Variants in VIL1 observed in about 807,000 individuals in gnomAD.
The protein encoded by VIL1 is villin 1.
Under a neutral mutation model 104.0 loss-of-function variants are expected in VIL1, and 86 were observed. The observed-to-expected ratio is 0.83, with a 90% confidence interval of 0.69 to 0.99. The LOEUF (loss-of-function observed/expected upper bound fraction) is 0.99. Among genes scored for constraint, VIL1 ranks in the 50% least tolerant of loss-of-function variants. The pLI, the probability that VIL1 is intolerant of heterozygous loss-of-function variation, is 0.00. For synonymous variants in VIL1, 394 were observed against 412.6 expected (o/e 0.95, Z 0.55); for missense variants, 944 against 1,054.1 (o/e 0.90, Z 1.45).
At position 218,425,835 on chromosome 2, in the gene VIL1, G is replaced by C. The variant is rs765110020; in HGVS notation, c.347+24G>C. On this transcript the variant is annotated intron_variant, in intron 4 of 19. Coordinates refer to ENST00000248444, the MANE Select transcript of VIL1 (RefSeq NM_007127.3). Reference sequence around the variant, plus strand: ...GTGTAGGGAGGGTGGGCTGCAGGCCGGGGGAATGAGGATGAGTGGTAGGGA... The same window carrying C: ...GTGTAGGGAGGGTGGGCTGCAGGCCCGGGGAATGAGGATGAGTGGTAGGGA... The C allele has an allele frequency of 2.5e-6, 4 of 1,583,432 alleles. No homozygotes were observed. In the Admixed American group the frequency reaches 6.9e-5, roughly 27 times the overall value.
chr2:218,421,103 T>G (rs1042875630), intron 1 of VIL1, among the ~76,000 whole-genome samples: 2 of 151,922 alleles, frequency 1.3e-5, no homozygotes, highest in African/African-American at 4.8e-5. Context: ...AGATCTAAAT[T>G]GAGTCTAGAA....
In VIL1 at chr2:218,419,178, C is replaced by G. The variant is rs1465391342; in HGVS notation, c.-12+10C>G. On this transcript the variant is annotated intron_variant, in intron 1 of 19. Transcript: ENST00000248444. ...TGCCTCCCCAAGACAGGTAAGGCAACCTGGTGGGAACACATGGAGACCTTA... is the reference window on the plus strand; with the variant it reads ...TGCCTCCCCAAGACAGGTAAGGCAAGCTGGTGGGAACACATGGAGACCTTA... 6.6e-6 allele frequency: 1 copy of G among 152,248 alleles called. No individual in the cohort carries two copies. The highest frequency in any genetic ancestry group is 1.5e-5 in the Non-Finnish European group (1 of 68,050). 9.4% of individuals were successfully genotyped at this position (152,248 alleles called of 1,614,324 possible).
chr2:218,428,395 C>T (rs1341787992), intron 6 of VIL1, 58 bp downstream of exon 6: 1 of 1,477,852 alleles, frequency 6.8e-7, no homozygotes, highest in Non-Finnish European at 9.5e-7. Context: ...CCCACCTGCT[C>T]CTTTCCCCAG....
At chr2:218,422,853 A>T (rs558667243) in intron 1 of VIL1, among the ~76,000 whole-genome samples, 23 of 152,248 alleles carry the variant, frequency 1.5e-4, no homozygotes, top group East Asian at 9.7e-4. Flanking sequence ...GATGAGGAGG[A>T]ACCTCAAAAC....
intron 19 of VIL1, among the ~76,000 whole-genome samples, chr2:218,442,555 C>T (rs1052792295): frequency 6.6e-6 from 1 of 152,074 alleles, no homozygotes; most frequent in Non-Finnish European, 1.5e-5. Context: ...ACTACAGCCT[C>T]AACTTTCTGG....
chr2:218,432,293 G>C lies in VIL1; in HGVS notation c.1341+110G>C. 4 of 1,477,736 alleles carry C rather than the reference G, an allele frequency of 2.7e-6. No individual in the cohort carries two copies. In the South Asian group the frequency reaches 5.2e-5, roughly 19 times the overall value. 91.5% of individuals were successfully genotyped at this position (1,477,736 alleles called of 1,614,324 possible). On this transcript the variant is annotated intron_variant, in intron 12 of 19. Transcript: ENST00000248444. ...GGTTGAATACCTCTGGGGATGGGGT[G>C]CTCACCCCTTCAAGAAGGACTGCTT...
intron 10 of VIL1, 128 bp downstream of exon 10, chr2:218,431,006 G>T: frequency 7.9e-7 from 1 of 1,265,996 alleles, no homozygotes; most frequent in Non-Finnish European, 1.1e-6. Flanking sequence ...CTGGCTCTGG[G>T]CTTGTCCTAG....
intron 1 of VIL1, among the ~76,000 whole-genome samples, chr2:218,422,483 C>T (rs1355163383): frequency 1.3e-5 from 2 of 152,176 alleles, no homozygotes. Flanking sequence ...GACCCAAGCC[C>T]AAGGGGCTCC....
Position 218,435,670 on chromosome 2 carries a change from T to A in VIL1, c.1826+236T>A, listed in dbSNP as rs541628481. Among the ~76,000 whole-genome samples, 68 of 152,276 alleles carry A rather than the reference T, an allele frequency of 4.5e-4. 1 individual carries two copies. The highest frequency in any genetic ancestry group is 1.6e-3 in the African/African-American group (66 of 41,562). On this transcript the variant is annotated intron_variant, in intron 15 of 19. Coordinates refer to ENST00000248444, the MANE Select transcript of VIL1 (RefSeq NM_007127.3). ...AGTATGCCCAGGACCTGGTGGGGTATTTCCTTGGCAAAGGGAATTCCTGGC... is the reference window on the plus strand; with the variant it reads ...AGTATGCCCAGGACCTGGTGGGGTAATTCCTTGGCAAAGGGAATTCCTGGC...
chr2:218,440,642 A>C, intron 18 of VIL1, 80 bp from the exon 19 acceptor site: 5 of 1,575,760 alleles, frequency 3.2e-6, no homozygotes, highest in Non-Finnish European at 4.3e-6. Context: ...GTGGTGCCCT[A>C]GAGACTTCAG....
chr2:218,430,816 A>C lies in VIL1; in HGVS notation c.1040A>C (p.Gln347Pro). 6.2e-7 allele frequency: 1 copy of C among 1,614,032 alleles called. No homozygotes were observed. The highest frequency in any genetic ancestry group is 8.5e-7 in the Non-Finnish European group (1 of 1,179,988). ...AESAVFQQLF[Q>P]KWTASNRTSG... Reference sequence around the variant, plus strand: ...TCGGCCGTCTTTCAGCAGCTCTTCCAGAAGTGGACAGCGTCCAACCGGACC... The same window carrying C: ...TCGGCCGTCTTTCAGCAGCTCTTCCCGAAGTGGACAGCGTCCAACCGGACC... Residue 347 changes from glutamine to proline, a missense_variant, in exon 10 of 20, where the codon CAG (glutamine) becomes CCG (proline). Transcript: ENST00000248444.
intron 19 of VIL1, among the ~76,000 whole-genome samples, chr2:218,445,721 C>T (rs1689353823): frequency 6.6e-6 from 1 of 152,112 alleles, no homozygotes; most frequent in Admixed American, 6.6e-5. Flanking sequence ...CTGTCTACCT[C>T]TTGGTGCTTA....
chr2:218,423,576 G>A (rs1031968534), intron 1 of VIL1, among the ~76,000 whole-genome samples, 192 bp from the exon 2 acceptor site: 9 of 152,026 alleles, frequency 5.9e-5, no homozygotes, highest in Non-Finnish European at 1.2e-4. Context: ...ATTGAGCAAA[G>A]TCACTGTGCT....
intron 15 of VIL1, among the ~76,000 whole-genome samples, chr2:218,436,259 A>G (rs971285801): frequency 3.9e-5 from 6 of 152,160 alleles, no homozygotes; most frequent in African/African-American, 1.4e-4. Flanking sequence ...CTTCCTAACA[A>G]GGCTCTGCAA....
chr2:218,437,040 G>T (rs908777693), intron 16 of VIL1, 84 bp from the exon 17 acceptor site: 3 of 1,511,588 alleles, frequency 2.0e-6, no homozygotes, highest in Non-Finnish European at 2.7e-6. Context: ...CAAGGTCAGG[G>T]TTTCACTGTT....
intron 1 of VIL1, among the ~76,000 whole-genome samples, chr2:218,421,684 G>C (rs1462917388): frequency 6.6e-6 from 1 of 152,174 alleles, no homozygotes; most frequent in African/African-American, 2.4e-5. Flanking sequence ...CCCACCTTTG[G>C]CCTGTGGGGG....
At chr2:218,425,503 C>T in intron 3 of VIL1, 112 bp from the exon 4 acceptor site, 5 of 1,093,116 alleles carry the variant, frequency 4.6e-6, no homozygotes, top group Non-Finnish European at 6.7e-6. Flanking sequence ...GTGCACTTGC[C>T]CTGTGCCACG....
At position 218,437,299 on chromosome 2, in the gene VIL1, C is replaced by T. The variant is rs1231203158; in HGVS notation, c.2147C>T (p.Pro716Leu). Residue 716 changes from proline (P) to leucine (L), a missense_variant, in exon 17 of 20, where the codon CCC (proline) becomes CTC (leucine). Transcript: ENST00000248444. ...TFTGWFLAWD[P>L]FKWSNTKSYE... Reference sequence around the variant, plus strand: ...ACAGGCTGGTTCCTGGCTTGGGATCCCTTCAAGTGGAGTGTGAGTGGCCTC... The same window carrying T: ...ACAGGCTGGTTCCTGGCTTGGGATCTCTTCAAGTGGAGTGTGAGTGGCCTC... The T allele has an allele frequency of 6.2e-7, 1 of 1,613,852 alleles. No homozygotes were observed. The highest frequency in any genetic ancestry group is 1.7e-5 in the Admixed American group (1 of 59,988).
At position 218,435,351 on chromosome 2, in the gene VIL1, GA is replaced by G; in HGVS notation, c.1745del (p.Lys582SerfsTer71). ...MVADTISRTEKQVVVEGQEPA... is the reference protein window; with the variant it reads ...MVADTISRTEXQVVVEGQEPA... ...TTGCTGACACCATCTCCCGGACGGA[GA>G]AGCAAGTGGTGGTGGAAGGGCAGGA... On this transcript the variant is annotated frameshift_variant, in exon 15 of 20. Coordinates refer to ENST00000248444, the MANE Select transcript of VIL1 (RefSeq NM_007127.3). LOFTEE classifies it high-confidence loss of function. 3 of 1,614,138 alleles carry G rather than the reference GA, an allele frequency of 1.9e-6. No individual in the cohort carries two copies. Among genetic ancestry groups the G allele is most frequent in the Non-Finnish European group, 2.5e-6 (3 of 1,179,998 alleles).
Sources: gnomAD v4.1 joint callset for allele counts (sites outside exome capture counted in the v4.1 genomes callset) on GRCh38, gnomAD v4.1.1 for gene constraint, MANE v1.5 for transcripts, NCBI Gene and HGNC (gene_info 2026-07-23, HGNC 2026-07-21) for gene names.